The following RNF149 variants were observed in gnomAD, a reference collection of about 807,000 sequenced individuals.
RNF149 encodes E3 ubiquitin-protein ligase RNF149.
A neutral mutation model predicts 39.0 loss-of-function variants in RNF149; 21 were observed. The ratio of observed to expected loss-of-function variants is 0.54; its 90% CI spans 0.38 to 0.77. The LOEUF (loss-of-function observed/expected upper bound fraction) is 0.77. Among genes scored for constraint, RNF149 ranks in the 30% least tolerant of loss-of-function variants. The pLI is 0.00. For missense variants in RNF149, 493 were observed against 534.9 expected, an observed-to-expected ratio of 0.92 and a Z score of 0.77; for synonymous variants, 209 against 213.6, an observed-to-expected ratio of 0.98 and a Z score of 0.19.
chr2:101,288,230 C>CTTTTT (rs554652378), intron 4 of RNF149, among the ~76,000 whole-genome samples: 3 of 60,568 alleles, frequency 5.0e-5, no homozygotes, highest in Non-Finnish European at 8.5e-5. Context: ...GAAAGAAAAA[C>CTTTTT]TTTTTTTTTT....
chr2:101,275,199 C>T (rs1249173652), downstream of RNF149, among the ~76,000 whole-genome samples: 5 of 131,324 alleles, frequency 3.8e-5, no homozygotes, highest in Non-Finnish European at 6.2e-5. Context: ...CTCACTGCAA[C>T]CTCTGCCTCC....
chr2:101,304,499 A>G (rs967326480), intron 1 of RNF149, among the ~76,000 whole-genome samples: 4 of 152,198 alleles, frequency 2.6e-5, no homozygotes, highest in African/African-American at 9.7e-5. Flanking sequence ...TTGTCTGGAA[A>G]GTTCTGTGTA....
Position 101,294,013 on chromosome 2 carries a change from C to T in RNF149, c.780+1G>A. The T allele has an allele frequency of 1.9e-6, 3 of 1,542,634 alleles. No homozygotes were observed. Among genetic ancestry groups the T allele is most frequent in the Non-Finnish European group, 2.7e-6 (3 of 1,120,820 alleles). On this transcript the variant is annotated splice_donor_variant, in intron 3 of 6. Transcript: ENST00000295317. LOFTEE classifies it high-confidence loss of function. ...CAAAAGAAAAACCATGAAAATATTA[C>T]CTTTTCTCCATGCTTTACAGTATGA...
intron 1 of RNF149, among the ~76,000 whole-genome samples, chr2:101,303,471 TGA>T (rs1276860414): frequency 2.6e-5 from 4 of 152,172 alleles, no homozygotes; most frequent in African/African-American, 9.7e-5. Flanking sequence ...CGATCATTTG[TGA>T]GAGTGTAGCA....
At chr2:101,293,366 C>A (rs186640375) in intron 3 of RNF149, among the ~76,000 whole-genome samples, 16 of 152,166 alleles carry the variant, frequency 1.1e-4, no homozygotes, top group African/African-American at 3.9e-4. Context: ...CATTTCAGAG[C>A]GCACCAGAAG....
chr2:101,308,520 C>T lies in RNF149; in HGVS notation c.69G>A (p.Leu23=). The T allele has an allele frequency of 1.2e-6, 2 of 1,606,310 alleles. No individual in the cohort carries two copies. The highest frequency in any genetic ancestry group is 2.2e-5 in the East Asian group (1 of 44,452). ...RGVLALALLA[L]ALCVPGARGR... is the part of the protein sequence containing the mutation. Reference sequence around the variant, plus strand: ...CCCGGGCCCCGGGCACGCACAGGGCCAGGGCGAGCAACGCCAGAGCCAACA... The same window carrying T: ...CCCGGGCCCCGGGCACGCACAGGGCTAGGGCGAGCAACGCCAGAGCCAACA... Residue 23 remains leucine (L), a synonymous_variant, in exon 1 of 7, where the codon CTG becomes CTA. Coordinates refer to ENST00000295317, the MANE Select transcript of RNF149 (RefSeq NM_173647.4).
At chr2:101,273,799 C>A (rs1316056451), downstream of RNF149, among the ~76,000 whole-genome samples, 1 of 152,106 alleles carries the variant, frequency 6.6e-6, no homozygotes, top group Non-Finnish European at 1.5e-5. Flanking sequence ...TGTTAATTTT[C>A]ATCTAAAAAA....
intron 1 of RNF149, among the ~76,000 whole-genome samples, chr2:101,297,506 AC>A (rs1683279344): frequency 6.6e-6 from 1 of 151,292 alleles, no homozygotes; most frequent in Non-Finnish European, 1.5e-5. Context: ...ACAGGCACAC[AC>A]CACTACACCT....
At chr2:101,273,327 G>A, downstream of RNF149, 1 of 471,142 alleles carries the variant, frequency 2.1e-6, no homozygotes. Flanking sequence ...CACATGACAT[G>A]TGAACACATG....
chr2:101,306,428 C>T (rs1683662397), intron 1 of RNF149, among the ~76,000 whole-genome samples: 3 of 152,230 alleles, frequency 2.0e-5, no homozygotes, highest in South Asian at 2.1e-4. Flanking sequence ...GCCTGGGTAC[C>T]GTGACAATAG....
At chr2:101,278,321 A>G (rs1682430867) in intron 6 of RNF149, among the ~76,000 whole-genome samples, 1 of 152,082 alleles carries the variant, frequency 6.6e-6, no homozygotes, top group South Asian at 2.1e-4. Context: ...CGCCCCGCTA[A>G]TTTTAAGTAG....
chr2:101,291,489 C>T (rs774962115), intron 3 of RNF149, among the ~76,000 whole-genome samples: 8 of 151,718 alleles, frequency 5.3e-5, no homozygotes, highest in Non-Finnish European at 1.2e-4. Flanking sequence ...CGCCACGTTG[C>T]CCAGGCTGGT....
intron 1 of RNF149, among the ~76,000 whole-genome samples, chr2:101,307,306 T>A (rs997697752): frequency 3.3e-5 from 5 of 152,150 alleles, no homozygotes; most frequent in African/African-American, 1.2e-4. Flanking sequence ...TCTCAGCTCC[T>A]GAGTGCCTGA....
At chr2:101,272,508 G>A (rs1159188131), downstream of RNF149, among the ~76,000 whole-genome samples, 1 of 152,138 alleles carries the variant, frequency 6.6e-6, no homozygotes, top group African/African-American at 2.4e-5. Flanking sequence ...AAGTACCTGG[G>A]TTGTTGTAGG....
chr2:101,294,286 C>T (rs1683136132), intron 2 of RNF149: 1 of 450,340 alleles, frequency 2.2e-6, no homozygotes. Flanking sequence ...CCCCTAACAA[C>T]AAAAGCCATT....
At chr2:101,307,724 G>T in intron 1 of RNF149, 1 of 648,376 alleles carries the variant, frequency 1.5e-6, no homozygotes, top group Non-Finnish European at 1.9e-6. Flanking sequence ...TTGGTGAAGG[G>T]ACAACCGATC....
At chr2:101,303,626 C>G (rs1279516366) in intron 1 of RNF149, among the ~76,000 whole-genome samples, 1 of 151,984 alleles carries the variant, frequency 6.6e-6, no homozygotes, top group Non-Finnish European at 1.5e-5. Context: ...TACCTCTTAT[C>G]AATAGGAGGG....
chr2:101,299,912 TC>T (rs1221228064), intron 1 of RNF149, among the ~76,000 whole-genome samples: 11 of 152,214 alleles, frequency 7.2e-5, no homozygotes. Flanking sequence ...CCCTTCCCCA[TC>T]CGCCTTCATA....
rs1309241658 is a variant in RNF149 at position 101,277,286 on chromosome 2, A to G, written c.1160-5T>C. 1 of 1,612,474 alleles carries G rather than the reference A, an allele frequency of 6.2e-7. No homozygotes were observed. Among genetic ancestry groups the G allele is most frequent in the Non-Finnish European group, 8.5e-7 (1 of 1,179,188 alleles). ...GAGAGTCACTCCTGCCGGCTTCTGC[A>G]AGAGAGCAACATAAGCTACTCCATC... On this transcript the variant is annotated splice_region_variant and splice_polypyrimidine_tract_variant and intron_variant, in intron 6 of 6. Coordinates refer to ENST00000295317, the MANE Select transcript of RNF149 (RefSeq NM_173647.4).
Sources: gnomAD v4.1 joint callset for allele counts (sites outside exome capture counted in the v4.1 genomes callset) on GRCh38, gnomAD v4.1.1 for gene constraint, MANE v1.5 for transcripts, NCBI Gene and HGNC (gene_info 2026-07-23, HGNC 2026-07-21) for gene names.